CACNA1E: variants seen among roughly 807,000 people sequenced by gnomAD.
CACNA1E encodes calcium voltage-gated channel subunit alpha1 E, also known as voltage-dependent R-type calcium channel subunit alpha-1E.
Under a neutral mutation model 259.2 loss-of-function variants are expected in CACNA1E, and 40 were observed. The ratio of observed to expected loss-of-function variants is 0.15; its 90% CI spans 0.12 to 0.20. The LOEUF (loss-of-function observed/expected upper bound fraction) is 0.20. Ranked by LOEUF, CACNA1E falls within the 10% of genes least tolerant of loss-of-function variation. The pLI is 1.00. For synonymous variants in CACNA1E, 1,104 were observed against 1,138.5 expected (o/e 0.97, Z 0.61); for missense variants, 1,874 against 3,040.1 (o/e 0.62, Z 9.02).
chr1:181,360,576 G>A (rs1259287140), intron 1 of CACNA1E, among the ~76,000 whole-genome samples: 1 of 152,198 alleles, frequency 6.6e-6, no homozygotes. Flanking sequence ...GGGTGGGGGA[G>A]AATTGGGAGT....
chr1:181,494,679 C>A (rs12565873), intron 1 of CACNA1E, among the ~76,000 whole-genome samples: 3,589 of 152,268 alleles, frequency 0.024, 105 homozygotes, highest in East Asian at 0.13. Context: ...AGGTCACCAC[C>A]GGTGAGCTTG....
At position 181,793,876 on chromosome 1, in the gene CACNA1E, T is replaced by C. The variant is rs1661550941; in HGVS notation, c.6027+83T>C. On this transcript the variant is annotated intron_variant, in intron 45 of 47. Coordinates refer to ENST00000367573, the MANE Select transcript of CACNA1E (RefSeq NM_001205293.3). ...TGGAATAATATCTGATATTTGCAGG[T>C]GAGCCGTTGACTTGCCCGCACCCCT... The C allele has an allele frequency of 4.9e-6, 7 of 1,441,416 alleles. No homozygotes were observed. In the East Asian group the frequency reaches 1.5e-4, roughly 30 times the overall value. 89.3% of individuals were successfully genotyped at this position (1,441,416 alleles called of 1,614,324 possible).
At position 181,733,484 on chromosome 1, in the gene CACNA1E, T is replaced by C. The variant is rs1219574055; in HGVS notation, c.2996T>C (p.Leu999Pro). Residue 999 changes from leucine to proline, a missense_variant, in exon 21 of 48, where the codon CTT becomes CCT. This residue lies in a region of CACNA1E where 476 missense variants were observed against 514.0 expected (regional missense o/e 0.93). Coordinates refer to ENST00000367573, the MANE Select transcript of CACNA1E (RefSeq NM_001205293.3). ...AGAGGCTCCGGGCTGGCAGGAGGCC[T>C]TGATGAGGCTGACACCCCCCTAGTC... ...VSRGSGLAGG[L>P]DEADTPLVLP... 1.3e-6 allele frequency: 2 copies of C among 1,571,946 alleles called. No individual in the cohort carries two copies. Among genetic ancestry groups the C allele is most frequent in the Non-Finnish European group, 1.7e-6 (2 of 1,157,424 alleles).
At chr1:181,609,312 AG>A (rs1654530787) in intron 6 of CACNA1E, among the ~76,000 whole-genome samples, 1 of 152,210 alleles carries the variant, frequency 6.6e-6, no homozygotes, top group Admixed American at 6.5e-5. Flanking sequence ...AAAGAATGGC[AG>A]TGGGCTTGCT....
rs1160746865 is a variant in CACNA1E, at chr1:181,731,199, C to A, written c.2265C>A (p.His755Gln). 1.9e-6 allele frequency: 3 copies of A among 1,613,734 alleles called. No homozygotes were observed. The highest frequency in any genetic ancestry group is 2.5e-6 in the Non-Finnish European group (3 of 1,179,794). The change falls in exon 19 of 48, where the codon CAC becomes CAA. Residue 755 changes from histidine (H) to glutamine (Q), a missense_variant. Around this residue, in one of 14 missense-constraint regions of CACNA1E, gnomAD observed 476 missense variants for 514.0 expected, o/e 0.93. Transcript: ENST00000367573. The stretch of plus-strand genomic sequence containing the variant: ...GAAGAGACAGAAGGAGAAGACACCA[C>A]ATGTCGATGTGGGAGCCACGCAGCA... ...SIERDRRRRH[H>Q]MSMWEPRSSH... is the part of the protein sequence containing the mutation.
At chr1:181,522,497 A>G (rs1184692918) in intron 3 of CACNA1E, among the ~76,000 whole-genome samples, 1 of 152,254 alleles carries the variant, frequency 6.6e-6, no homozygotes, top group African/African-American at 2.4e-5. Flanking sequence ...AATGGTCAAA[A>G]GATCAAGCCA....
At chr1:181,331,968 T>A (rs1651305467) in intron 1 of CACNA1E, among the ~76,000 whole-genome samples, 1 of 152,152 alleles carries the variant, frequency 6.6e-6, no homozygotes, top group African/African-American at 2.4e-5. Flanking sequence ...ATACCATAAA[T>A]GCCCATCAAT....
At chr1:181,344,077 T>C (rs1404302046) in intron 1 of CACNA1E, among the ~76,000 whole-genome samples, 1 of 152,190 alleles carries the variant, frequency 6.6e-6, no homozygotes, top group African/African-American at 2.4e-5. Context: ...GGTACCCTCC[T>C]GTGTTCTCTC....
rs1418575235 is a variant in CACNA1E, at chr1:181,789,909, C to T, written c.5787-536C>T. On this transcript the variant is annotated intron_variant, in intron 43 of 47. Coordinates refer to ENST00000367573, the MANE Select transcript of CACNA1E (RefSeq NM_001205293.3). ...CCTCACCACCACCTCTGAAATCCTT[C>T]TCAGTTCATGAACCAACAGACTTAA... Among the ~76,000 whole-genome samples the T allele has an allele frequency of 3.3e-5, 5 of 152,330 alleles. No homozygotes were observed. In the East Asian group the frequency reaches 9.6e-4, roughly 29 times the overall value.
chr1:181,451,262 T>C (rs542745688), intron 2 of CACNA1E, among the ~76,000 whole-genome samples: 2 of 152,102 alleles, frequency 1.3e-5, no homozygotes, highest in Admixed American at 6.5e-5. Flanking sequence ...TAGCAGGAGG[T>C]CTCCTGTTCT....
intron 1 of CACNA1E, among the ~76,000 whole-genome samples, chr1:181,492,626 A>G (rs889250144): frequency 2.6e-5 from 4 of 152,196 alleles, no homozygotes; most frequent in Non-Finnish European, 5.9e-5. Context: ...CCAGCTGGTA[A>G]GCTGGTATCA....
At chr1:181,362,292 T>C (rs1453147402) in intron 1 of CACNA1E, among the ~76,000 whole-genome samples, 1 of 152,234 alleles carries the variant, frequency 6.6e-6, no homozygotes, top group African/African-American at 2.4e-5. Flanking sequence ...CTCTTGTGTT[T>C]TCCTAGTAGG....
chr1:181,502,842 G>A (rs1665374564), intron 1 of CACNA1E, among the ~76,000 whole-genome samples: 1 of 152,146 alleles, frequency 6.6e-6, no homozygotes, highest in Non-Finnish European at 1.5e-5. Context: ...GGGATTACAG[G>A]TGCCCACCAC....
intron 3 of CACNA1E, among the ~76,000 whole-genome samples, chr1:181,551,014 C>G (rs918345031): frequency 6.6e-6 from 1 of 151,574 alleles, no homozygotes; most frequent in African/African-American, 2.4e-5. Flanking sequence ...ATTTATTTCT[C>G]TGGGCTTTTG....
At chr1:181,349,126 G>A (rs1652838830) in intron 1 of CACNA1E, among the ~76,000 whole-genome samples, 1 of 152,174 alleles carries the variant, frequency 6.6e-6, no homozygotes, top group African/African-American at 2.4e-5. Context: ...GGGCTTGGGT[G>A]GGCTGCTGTT....
intron 25 of CACNA1E, among the ~76,000 whole-genome samples, chr1:181,744,025 C>A (rs542601443): frequency 1.9e-4 from 29 of 152,380 alleles, no homozygotes; most frequent in African/African-American, 7.0e-4. Context: ...GACTCCCTGG[C>A]ACTCAGGAGA....
intron 1 of CACNA1E, among the ~76,000 whole-genome samples, chr1:181,324,010 G>A (rs1650577271): frequency 6.6e-6 from 1 of 152,226 alleles, no homozygotes; most frequent in Non-Finnish European, 1.5e-5. Context: ...AGCCCCTTAT[G>A]TGAGCTCAGT....
chr1:181,785,124 G>A (rs138896660), intron 41 of CACNA1E, among the ~76,000 whole-genome samples, 194 bp from the exon 42 acceptor site: 191 of 152,256 alleles, frequency 1.3e-3, no homozygotes, highest in African/African-American at 4.5e-3. Context: ...CAAGCCCCCT[G>A]AGGACAGATC....
At chr1:181,568,523 A>G (rs1650074986) in intron 3 of CACNA1E, among the ~76,000 whole-genome samples, 1 of 152,186 alleles carries the variant, frequency 6.6e-6, no homozygotes, top group Admixed American at 6.5e-5. Flanking sequence ...GGCTTGGTCC[A>G]AAACATTAAT....
Sources: gnomAD v4.1 joint callset for allele counts (sites outside exome capture counted in the v4.1 genomes callset) on GRCh38, gnomAD v4.1.1 for gene constraint, gnomAD v4.1.1 regional missense constraint, MANE v1.5 for transcripts, NCBI Gene and HGNC (gene_info 2026-07-23, HGNC 2026-07-21) for gene names.